UBR3: variants seen among roughly 807,000 people sequenced by gnomAD.
UBR3 encodes the protein ubiquitin protein ligase E3 component n-recognin 3, also known as E3 ubiquitin-protein ligase UBR3.
In UBR3, 85 loss-of-function variants were observed where a neutral mutation model predicts 243.2. The observed-to-expected ratio is 0.35, with a 90% CI of 0.29 to 0.42. The LOEUF is 0.42. Ranked by LOEUF, UBR3 falls within the 10% of genes least tolerant of loss-of-function variation. The pLI, the probability that UBR3 is intolerant of heterozygous loss-of-function variation, is 1.00. For synonymous variants in UBR3, 748 were observed against 799.8 expected (o/e 0.94, Z 1.09); for missense variants, 1,686 against 2,300.8 (o/e 0.73, Z 5.47).
At chr2:169,913,950 A>G in intron 10 of UBR3, 110 bp from the exon 11 acceptor site, 1 of 424,506 alleles carries the variant, frequency 2.4e-6, no homozygotes, top group Non-Finnish European at 3.7e-6. Flanking sequence ...CTTAAAATCT[A>G]TACATTTTAC....
rs905792444 is a variant in UBR3, at chr2:169,924,245, C to A, written c.2022+72C>A. On this transcript the variant is annotated intron_variant, in intron 13 of 38. Coordinates refer to ENST00000272793, the MANE Select transcript of UBR3 (RefSeq NM_172070.4). Reference sequence around the variant, plus strand: ...AAGTGATTCTTCCTTTATTTATATGCCTTTCATTGTTATTATAGCTGAGAT... The same window carrying A: ...AAGTGATTCTTCCTTTATTTATATGACTTTCATTGTTATTATAGCTGAGAT... 1.5e-5 allele frequency: 17 copies of A among 1,146,934 alleles called. No individual in the cohort carries two copies. The African/African-American group carries it at 2.2e-4, about 15-fold the overall frequency. 71.0% of individuals were successfully genotyped at this position (1,146,934 alleles called of 1,614,324 possible). A position where few individuals can be genotyped will look rare whatever the true frequency, so the allele number is the denominator to read the frequency against.
At position 169,829,992 on chromosome 2, in the gene UBR3, A is replaced by G. The variant is rs367566030; in HGVS notation, c.545+1940A>G. The stretch of plus-strand genomic sequence containing the variant: ...AGGGTTACATACTTTCCACTGTTCT[A>G]CATCTTGCATTTTTTGGTTATCTTA... On this transcript the variant is annotated intron_variant, in intron 1 of 38. Transcript: ENST00000272793. 2.0e-3 allele frequency among the ~76,000 whole-genome samples: 302 copies of G among 152,248 alleles called. 3 individuals carry two copies. Among genetic ancestry groups the G allele is most frequent in the African/African-American group, 7.0e-3 (289 of 41,546 alleles).
intron 1 of UBR3, among the ~76,000 whole-genome samples, chr2:169,846,917 A>G (rs13007768): frequency 0.47 from 70,947 of 151,876 alleles, 18,505 homozygotes; most frequent in Non-Finnish European, 0.6. Flanking sequence ...TATTTTTTAT[A>G]TAGAGACAAG....
chr2:169,888,910 C>T (rs2084216829), intron 5 of UBR3, among the ~76,000 whole-genome samples: 1 of 151,998 alleles, frequency 6.6e-6, no homozygotes, highest in Non-Finnish European at 1.5e-5. Context: ...CTATTGGAAA[C>T]CAAAGACTTT....
intron 18 of UBR3, among the ~76,000 whole-genome samples, chr2:169,929,161 GA>G (rs2086020995): frequency 6.6e-6 from 1 of 152,040 alleles, no homozygotes; most frequent in Admixed American, 6.6e-5. Context: ...AAATGAACCA[GA>G]AACTATAAAA....
intron 31 of UBR3, among the ~76,000 whole-genome samples, chr2:170,034,324 G>T (rs2090767717): frequency 6.6e-6 from 1 of 151,866 alleles, no homozygotes; most frequent in African/African-American, 2.4e-5. Context: ...AACCCTCTGT[G>T]CTCTACCTAT....
At chr2:169,920,828 A>G (rs1395871785) in intron 11 of UBR3, among the ~76,000 whole-genome samples, 2 of 152,056 alleles carry the variant, frequency 1.3e-5, no homozygotes, top group African/African-American at 4.8e-5. Context: ...TCAGGCCCCA[A>G]TCTCTGTGTG....
intron 3 of UBR3, among the ~76,000 whole-genome samples, chr2:169,876,182 C>T (rs1256019631): frequency 2.7e-5 from 4 of 149,632 alleles, no homozygotes; most frequent in Non-Finnish European, 5.9e-5. Context: ...CTCCTGGGTT[C>T]ACGCCATTCT....
At chr2:169,878,326 A>T (rs2083691454) in intron 4 of UBR3, among the ~76,000 whole-genome samples, 199 bp from the exon 5 acceptor site, 1 of 150,150 alleles carries the variant, frequency 6.7e-6, no homozygotes, top group South Asian at 2.1e-4. Context: ...GCGCCACTGC[A>T]CTCCAGCCTG....
intron 19 of UBR3, among the ~76,000 whole-genome samples, chr2:169,937,987 G>T (rs1293533433): frequency 6.6e-6 from 1 of 152,106 alleles, no homozygotes; most frequent in African/African-American, 2.4e-5. Context: ...CTTATATGAT[G>T]ATTTTAATCT....
At chr2:170,005,546 G>T (rs1403790552) in intron 27 of UBR3, among the ~76,000 whole-genome samples, 1 of 152,142 alleles carries the variant, frequency 6.6e-6, no homozygotes, top group Admixed American at 6.6e-5. Flanking sequence ...AGAAAAACCT[G>T]ATGAACTGGG....
intron 24 of UBR3, among the ~76,000 whole-genome samples, chr2:169,980,986 G>T (rs1213825782): frequency 6.6e-6 from 1 of 151,900 alleles, no homozygotes; most frequent in Non-Finnish European, 1.5e-5. Context: ...GCTATGTCAA[G>T]GGGCACAGGA....
At chr2:170,064,419 A>T (rs1200603556) in intron 35 of UBR3, among the ~76,000 whole-genome samples, 1 of 151,338 alleles carries the variant, frequency 6.6e-6, no homozygotes, top group African/African-American at 2.4e-5. Context: ...ATTAAAAATT[A>T]AAAAAAAATC....
intron 24 of UBR3, among the ~76,000 whole-genome samples, chr2:169,984,440 C>T (rs62171981): frequency 0.056 from 8,592 of 152,174 alleles, 288 homozygotes; most frequent in Non-Finnish European, 0.083. Flanking sequence ...CAAGAGTAAC[C>T]AGTATCATTA....
intron 2 of UBR3, among the ~76,000 whole-genome samples, chr2:169,875,494 A>C (rs2083574298): frequency 6.6e-6 from 1 of 152,084 alleles, no homozygotes; most frequent in Non-Finnish European, 1.5e-5. Context: ...ACACTTGGTT[A>C]ATTTTTTGTA....
intron 24 of UBR3, among the ~76,000 whole-genome samples, chr2:169,976,576 A>G (rs2088457078): frequency 6.6e-6 from 1 of 152,228 alleles, no homozygotes; most frequent in Middle Eastern, 3.4e-3. Context: ...CAGAACTTTG[A>G]AAATATCTAT....
chr2:169,918,315 T>TC, intron 11 of UBR3, among the ~76,000 whole-genome samples: 1 of 151,328 alleles, frequency 6.6e-6, no homozygotes, highest in Non-Finnish European at 1.5e-5. Flanking sequence ...TACTTTTTTT[T>TC]TTTTTTTAAC....
At chr2:169,910,716 A>G (rs1307473085) in intron 10 of UBR3, among the ~76,000 whole-genome samples, 1 of 152,126 alleles carries the variant, frequency 6.6e-6, no homozygotes, top group African/African-American at 2.4e-5. Flanking sequence ...ATATATTCTT[A>G]TCTAACATTC....
At chr2:169,874,116 C>A (rs2083520378) in intron 2 of UBR3, among the ~76,000 whole-genome samples, 1 of 151,688 alleles carries the variant, frequency 6.6e-6, no homozygotes, top group East Asian at 1.9e-4. Flanking sequence ...GAAGTTTCTT[C>A]CTTATATTAC....
Sources: allele counts gnomAD v4.1 joint callset (sites outside exome capture counted in the v4.1 genomes callset), GRCh38; gene constraint gnomAD v4.1.1; transcripts MANE v1.5; gene names NCBI Gene and HGNC (gene_info 2026-07-23, HGNC 2026-07-21).